The following DEFB136 variants were observed in gnomAD, a reference collection of about 807,000 sequenced individuals.
DEFB136 encodes the protein defensin beta 136.
A neutral mutation model predicts 2.4 loss-of-function variants in DEFB136; 6 were observed. The ratio of observed to expected loss-of-function variants is 2.45; its 90% confidence interval spans 1.34 to 4.84. DEFB136 has a LOEUF of 4.84. DEFB136 is among the 30% of genes most tolerant of loss of function. The pLI is 0.00. For missense variants in DEFB136, 126 were observed against 98.4 expected, an observed-to-expected ratio of 1.28 and a Z score of -1.19; for synonymous variants, 47 against 35.2, an observed-to-expected ratio of 1.33 and a Z score of -1.18.
chr8:11,974,583 G>T lies in DEFB136; in HGVS notation c.17C>A (p.Ser6Tyr), dbSNP rs369002204. ...GATCACCAGGAAAAAGAGTAATGCA[G>T]AAAGACAGAGGTTCATGGCCGAAGA... MNLCL[S>Y]ALLFFLVILL... is the part of the protein sequence containing the mutation. Residue 6 changes from serine (S) to tyrosine (Y), a missense_variant, in exon 1 of 2, where the codon TCT becomes TAT. Ser to Tyr is a moderately radical substitution (Grantham distance 144). Coordinates refer to ENST00000382209, the MANE Select transcript of DEFB136 (RefSeq NM_001033018.2). The T allele has an allele frequency of 6.2e-7, 1 of 1,614,086 alleles. No homozygotes were observed.
chr8:11,974,169 G>T, intron 1 of DEFB136, 51 bp from the exon 2 acceptor site: 1 of 1,502,814 alleles, frequency 6.7e-7, no homozygotes, highest in Non-Finnish European at 8.9e-7. Context: ...AATGAGGCTG[G>T]GAGAAATCCT....
rs1351430043 is a variant in DEFB136 at position 11,974,589 on chromosome 8, C to T, written c.11G>A (p.Cys4Tyr). ...CAGGAAAAAGAGTAATGCAGAAAGA[C>T]AGAGGTTCATGGCCGAAGAGGGCAC... is the stretch of plus-strand genomic sequence containing the variant. MNL[C>Y]LSALLFFLVI... is the part of the protein sequence containing the mutation. The change falls in exon 1 of 2, where the codon TGT becomes TAT. Residue 4 changes from cysteine (C) to tyrosine (Y), a missense_variant. Physicochemically the swap from Cys to Tyr is radical, Grantham distance 194. Transcript: ENST00000382209. The T allele has an allele frequency of 1.9e-6, 3 of 1,613,964 alleles. No homozygotes were observed. Among genetic ancestry groups the T allele is most frequent in the Non-Finnish European group, 2.5e-6 (3 of 1,179,998 alleles).
At position 11,974,081 on chromosome 8, in the gene DEFB136, G is replaced by A; in HGVS notation, c.93C>T (p.Arg31=). Residue 31 remains arginine (R), a synonymous_variant, in exon 2 of 2, where the codon CGC becomes CGT. Coordinates refer to ENST00000382209, the MANE Select transcript of DEFB136 (RefSeq NM_001033018.2). ...GMFGNDGVKV[R]TCTSQKAVCF... is the part of the protein sequence containing the mutation. ...ATACGGCTTTCTGGCTAGTGCAGGTGCGAACTTTGACTCCATCATTCCCAA... is the reference window on the plus strand; with the variant it reads ...ATACGGCTTTCTGGCTAGTGCAGGTACGAACTTTGACTCCATCATTCCCAA... 6.3e-7 allele frequency: 1 copy of A among 1,595,016 alleles called. No individual in the cohort carries two copies. The highest frequency in any genetic ancestry group is 8.5e-7 in the Non-Finnish European group (1 of 1,172,524).
chr8:11,974,267 G>A (rs892295089), intron 1 of DEFB136, 149 bp from the exon 2 acceptor site: 1 of 1,157,294 alleles, frequency 8.6e-7, no homozygotes, highest in Non-Finnish European at 1.2e-6. Context: ...ATAAAGCTCA[G>A]GGTAGCCAGA....
chr8:11,973,995 C>T lies in DEFB136; in HGVS notation c.179G>A (p.Cys60Tyr), dbSNP rs1255820730. 1 of 1,608,832 alleles carries T rather than the reference C, an allele frequency of 6.2e-7. No individual in the cohort carries two copies. The highest frequency in any genetic ancestry group is 1.3e-5 in the African/African-American group (1 of 74,754). ...TTGAAAACGTGTCATATTTTTACAG[C>T]AAGACAGAATATTGTGGCAGAACGC... ...WIAFCHNILS[C>Y]CKNMTRFQPP... Residue 60 changes from cysteine (C) to tyrosine (Y), a missense_variant, in exon 2 of 2, where the codon TGC (cysteine) becomes TAC (tyrosine). Coordinates refer to ENST00000382209, the MANE Select transcript of DEFB136 (RefSeq NM_001033018.2).
In DEFB136 at chr8:11,974,532, C is replaced by G; in HGVS notation, c.55+13G>C. ...ACCCACTTTTATGTTCAGACTCACGCCCACTGTCTTACCTGAAGGCAGTAA... is the reference window on the plus strand; with the variant it reads ...ACCCACTTTTATGTTCAGACTCACGGCCACTGTCTTACCTGAAGGCAGTAA... On this transcript the variant is annotated intron_variant, in intron 1 of 1. Transcript: ENST00000382209. 6.2e-7 allele frequency: 1 copy of G among 1,613,962 alleles called. No homozygotes were observed. Among genetic ancestry groups the G allele is most frequent in the Non-Finnish European group, 8.5e-7 (1 of 1,179,860 alleles).
chr8:11,974,126 G>C lies in DEFB136; in HGVS notation c.56-8C>G, dbSNP rs367859071. 5.8e-6 allele frequency: 9 copies of C among 1,546,864 alleles called. No individual in the cohort carries two copies. In the East Asian group the frequency reaches 1.6e-4, roughly 28 times the overall value. On this transcript the variant is annotated splice_region_variant and splice_polypyrimidine_tract_variant and intron_variant, in intron 1 of 1. Transcript: ENST00000382209. ...TCCCAAACATACCTTTTCCTGAAGCGGGGAGAGACCACAGAAAAGAAAAAT... is the reference window on the plus strand; with the variant it reads ...TCCCAAACATACCTTTTCCTGAAGCCGGGAGAGACCACAGAAAAGAAAAAT...
At chr8:11,974,394 C>A (rs538522956) in intron 1 of DEFB136, 151 bp downstream of exon 1, 6 of 990,744 alleles carry the variant, frequency 6.1e-6, no homozygotes, top group Middle Eastern at 2.3e-4. Flanking sequence ...CAGAGCAGGG[C>A]AGGAGCTGGG....
Position 11,974,594 on chromosome 8 carries a change from G to T in DEFB136, c.6C>A (p.Asn2Lys). 1 of 1,614,048 alleles carries T rather than the reference G, an allele frequency of 6.2e-7. No individual in the cohort carries two copies. The highest frequency in any genetic ancestry group is 8.5e-7 in the Non-Finnish European group (1 of 1,179,992). M[N>K]LCLSALLFFL... ...AAAAGAGTAATGCAGAAAGACAGAG[G>T]TTCATGGCCGAAGAGGGCACAGAGT... The change falls in exon 1 of 2, where the codon AAC becomes AAA. Residue 2 changes from asparagine to lysine, a missense_variant. Transcript: ENST00000382209.
chr8:11,974,165 G>A, intron 1 of DEFB136, 47 bp from the exon 2 acceptor site: 1 of 1,504,946 alleles, frequency 6.6e-7, no homozygotes, highest in Non-Finnish European at 8.9e-7. Context: ...TCTTAATGAG[G>A]CTGGGAGAAA....
intron 1 of DEFB136, 98 bp from the exon 2 acceptor site, chr8:11,974,216 T>G: frequency 7.1e-6 from 10 of 1,414,832 alleles, no homozygotes; most frequent in Admixed American, 2.4e-5. Flanking sequence ...GGCTTGTTAG[T>G]TGTGATTTAC....
chr8:11,974,091 A>G lies in DEFB136; in HGVS notation c.83T>C (p.Val28Ala), dbSNP rs1799545917. The change falls in exon 2 of 2, where the codon GTC becomes GCC. Residue 28 changes from valine (V) to alanine (A), a missense_variant. Transcript: ENST00000382209. ...CTGGCTAGTGCAGGTGCGAACTTTG[A>G]CTCCATCATTCCCAAACATACCTTT... ...SGKGMFGNDG[V>A]KVRTCTSQKA... The G allele has an allele frequency of 6.3e-7, 1 of 1,587,796 alleles. No homozygotes were observed. Among genetic ancestry groups the G allele is most frequent in the Admixed American group, 1.8e-5 (1 of 54,502 alleles).
rs1417737123 is a variant in DEFB136, at chr8:11,974,009, G to A, written c.165C>T (p.His55=). 3.1e-6 allele frequency: 5 copies of A among 1,611,844 alleles called. No individual in the cohort carries two copies. The South Asian group carries it at 4.4e-5, about 14-fold the overall frequency. ...TATTTTTACAGCAAGACAGAATATTGTGGCAGAACGCAATCCACCTGTATC... is the reference window on the plus strand; with the variant it reads ...TATTTTTACAGCAAGACAGAATATTATGGCAGAACGCAATCCACCTGTATC... ...PPGYRWIAFC[H]NILSCCKNMT... Residue 55 remains histidine (H), a synonymous_variant, in exon 2 of 2, where the codon CAC becomes CAT. Transcript: ENST00000382209.
At position 11,974,005 on chromosome 8, in the gene DEFB136, T is replaced by C. The variant is rs201142786; in HGVS notation, c.169A>G (p.Ile57Val). 4.3e-6 allele frequency: 7 copies of C among 1,611,296 alleles called. No individual in the cohort carries two copies. The highest frequency in any genetic ancestry group is 1.3e-5 in the African/African-American group (1 of 74,902). The change falls in exon 2 of 2, where the codon ATT (isoleucine) becomes GTT (valine). Residue 57 changes from isoleucine (I) to valine (V), a missense_variant. Physicochemically the swap from Ile to Val is conservative, Grantham distance 29 (BLOSUM62 3). Coordinates refer to ENST00000382209, the MANE Select transcript of DEFB136 (RefSeq NM_001033018.2). Reference protein sequence around the residue: ...GYRWIAFCHNILSCCKNMTRF... With the variant: ...GYRWIAFCHNVLSCCKNMTRF... ...GTCATATTTTTACAGCAAGACAGAA[T>C]ATTGTGGCAGAACGCAATCCACCTG...
chr8:11,974,016 A>T lies in DEFB136; in HGVS notation c.158T>A (p.Phe53Tyr), dbSNP rs1799542670. The part of the protein sequence containing the change: ...GCPPGYRWIA[F>Y]CHNILSCCKN... Reference sequence around the variant, plus strand: ...ACAGCAAGACAGAATATTGTGGCAGAACGCAATCCACCTGTATCCTGGCGG... The same window carrying T: ...ACAGCAAGACAGAATATTGTGGCAGTACGCAATCCACCTGTATCCTGGCGG... The change falls in exon 2 of 2, where the codon TTC (phenylalanine) becomes TAC (tyrosine). Residue 53 changes from phenylalanine to tyrosine, a missense_variant. Phe to Tyr is a conservative substitution (Grantham distance 22, BLOSUM62 3). Transcript: ENST00000382209. 1 of 1,612,244 alleles carries T rather than the reference A, an allele frequency of 6.2e-7. No individual in the cohort carries two copies. Among genetic ancestry groups the T allele is most frequent in the South Asian group, 1.1e-5 (1 of 90,586 alleles).
intron 1 of DEFB136, among the ~76,000 whole-genome samples, 199 bp downstream of exon 1, chr8:11,974,346 C>T (rs775629506): frequency 2.0e-5 from 3 of 152,180 alleles, no homozygotes; most frequent in Non-Finnish European, 4.4e-5. Context: ...CCACCCCCGT[C>T]CCCGGTGCAC....
rs764710534 is a variant in DEFB136 at position 11,974,531 on chromosome 8, G to A, written c.55+14C>T. On this transcript the variant is annotated intron_variant, in intron 1 of 1. Coordinates refer to ENST00000382209, the MANE Select transcript of DEFB136 (RefSeq NM_001033018.2). ...CACCCACTTTTATGTTCAGACTCAC[G>A]CCCACTGTCTTACCTGAAGGCAGTA... 1.4e-5 allele frequency: 22 copies of A among 1,613,612 alleles called. No homozygotes were observed. Among genetic ancestry groups the A allele is most frequent in the Middle Eastern group, 1.6e-4 (1 of 6,082 alleles).
Position 11,974,034 on chromosome 8 carries a change from C to T in DEFB136, c.140G>A (p.Gly47Glu), listed in dbSNP as rs779106458. The T allele has an allele frequency of 6.2e-7, 1 of 1,612,062 alleles. No homozygotes were observed. Among genetic ancestry groups the T allele is most frequent in the Admixed American group, 1.7e-5 (1 of 59,674 alleles). The change falls in exon 2 of 2, where the codon GGA becomes GAA. Residue 47 changes from glycine to glutamate, a missense_variant. Gly to Glu is a moderately conservative substitution (Grantham distance 98). Coordinates refer to ENST00000382209, the MANE Select transcript of DEFB136 (RefSeq NM_001033018.2). ...KAVCFFGCPP[G>E]YRWIAFCHNI... is the part of the protein sequence containing the mutation. Reference sequence around the variant, plus strand: ...GTGGCAGAACGCAATCCACCTGTATCCTGGCGGACACCCGAAGAAACATAC... The same window carrying T: ...GTGGCAGAACGCAATCCACCTGTATTCTGGCGGACACCCGAAGAAACATAC...
rs139413395 is a variant in DEFB136, at chr8:11,974,530, C to A, written c.55+15G>T. 1 of 1,613,700 alleles carries A rather than the reference C, an allele frequency of 6.2e-7. No individual in the cohort carries two copies. The highest frequency in any genetic ancestry group is 1.3e-5 in the African/African-American group (1 of 74,896). On this transcript the variant is annotated intron_variant, in intron 1 of 1. Coordinates refer to ENST00000382209, the MANE Select transcript of DEFB136 (RefSeq NM_001033018.2). ...ACACCCACTTTTATGTTCAGACTCA[C>A]GCCCACTGTCTTACCTGAAGGCAGT...
Sources: gnomAD v4.1 joint callset for allele counts (sites outside exome capture counted in the v4.1 genomes callset) on GRCh38, gnomAD v4.1.1 for gene constraint, MANE v1.5 for transcripts, NCBI Gene and HGNC (gene_info 2026-07-23, HGNC 2026-07-21) for gene names.